PHACTR4: variants seen among roughly 807,000 people sequenced by gnomAD.
PHACTR4 encodes the protein phosphatase and actin regulator 4.
A neutral mutation model predicts 72.7 loss-of-function variants in PHACTR4; 51 were observed. The observed-to-expected ratio is 0.70, with a 90% CI of 0.56 to 0.89. The LOEUF is 0.89. Among genes scored for constraint, PHACTR4 ranks in the 40% least tolerant of loss-of-function variants. The pLI, the probability that PHACTR4 is intolerant of heterozygous loss-of-function variation, is 0.00. For missense variants in PHACTR4, 731 were observed against 861.8 expected, an observed-to-expected ratio of 0.85 and a Z score of 1.90; for synonymous variants, 255 against 302.5, an observed-to-expected ratio of 0.84 and a Z score of 1.63.
chr1:28,406,872 C>A (rs538353986), intron 1 of PHACTR4, among the ~76,000 whole-genome samples: 53 of 152,132 alleles, frequency 3.5e-4, no homozygotes, highest in Non-Finnish European at 7.1e-4. Flanking sequence ...AACCATCCTC[C>A]TGTGTCTAAA....
Position 28,489,327 on chromosome 1 carries a change from G to A in PHACTR4, c.1816+102G>A, listed in dbSNP as rs192895018. 5.2e-5 allele frequency: 50 copies of A among 952,904 alleles called. 2 individuals are homozygous for A. The highest frequency in any genetic ancestry group is 2.8e-4 in the South Asian group (18 of 64,856). The allele number at this position is 952,904 out of a possible 1,614,324, so 59.0% of individuals were successfully genotyped here. On this transcript the variant is annotated intron_variant, in intron 10 of 13. Coordinates refer to ENST00000373839, the MANE Select transcript of PHACTR4 (RefSeq NM_001048183.3). ...AGAAGCGTTTGCTACAAGGGCTAAG[G>A]GAGAGTGTTCCAGCCAGGCAAGGAC...
chr1:28,442,520 T>G (rs1415010219), intron 2 of PHACTR4, among the ~76,000 whole-genome samples: 2 of 152,138 alleles, frequency 1.3e-5, no homozygotes, highest in Non-Finnish European at 2.9e-5. Context: ...TATTTACTTT[T>G]TTTTGAGATG....
chr1:28,370,299 G>C (rs1379782971), intron 1 of PHACTR4, among the ~76,000 whole-genome samples: 1 of 152,210 alleles, frequency 6.6e-6, no homozygotes, highest in Non-Finnish European at 1.5e-5. Context: ...TTCGGAGCCA[G>C]GCGGAGTTTC....
intron 7 of PHACTR4, 95 bp downstream of exon 7, chr1:28,474,246 C>T (rs1659773661): frequency 4.3e-6 from 5 of 1,171,288 alleles, no homozygotes; most frequent in Non-Finnish European, 6.0e-6. Flanking sequence ...TGGGCCGGGC[C>T]TAGTGGCCCA....
chr1:28,482,994 A>C (rs981125338), intron 9 of PHACTR4, among the ~76,000 whole-genome samples: 6 of 151,968 alleles, frequency 3.9e-5, no homozygotes, highest in African/African-American at 1.4e-4. Context: ...CCTCAGGGCA[A>C]GTTTTCCCTT....
chr1:28,493,552 A>T (rs544834784), intron 13 of PHACTR4, among the ~76,000 whole-genome samples: 85 of 151,966 alleles, frequency 5.6e-4, no homozygotes, highest in Non-Finnish European at 9.7e-4. Flanking sequence ...AAAAAAAAAA[A>T]AATAAGTAAA....
chr1:28,377,727 A>G (rs527537768), intron 1 of PHACTR4, among the ~76,000 whole-genome samples: 192 of 151,558 alleles, frequency 1.3e-3, no homozygotes, highest in African/African-American at 4.5e-3. Context: ...GCTACTCTGG[A>G]GGCTGAGGTG....
intron 2 of PHACTR4, among the ~76,000 whole-genome samples, chr1:28,418,771 T>C (rs1365374588): frequency 2.0e-5 from 3 of 151,466 alleles, no homozygotes; most frequent in Non-Finnish European, 2.9e-5. Flanking sequence ...GCTAATATGG[T>C]GGAAACCTGT....
At chr1:28,381,090 C>T (rs1382392306) in intron 1 of PHACTR4, among the ~76,000 whole-genome samples, 1 of 150,730 alleles carries the variant, frequency 6.6e-6, no homozygotes, top group Non-Finnish European at 1.5e-5. Flanking sequence ...CTCACTGCAG[C>T]CTCTGCCTCC....
At chr1:28,383,666 G>T (rs11247795) in intron 1 of PHACTR4, among the ~76,000 whole-genome samples, 58,622 of 151,894 alleles carry the variant, frequency 0.39, 13,006 homozygotes, top group African/African-American at 0.6. Context: ...CTGTTGTTGA[G>T]GTATAGGAAT....
chr1:28,488,584 G>A (rs1470385752), intron 9 of PHACTR4, among the ~76,000 whole-genome samples: 3 of 151,810 alleles, frequency 2.0e-5, no homozygotes, highest in African/African-American at 7.3e-5. Flanking sequence ...GAGCCCAGGA[G>A]GAGTTCAAGA....
chr1:28,379,151 C>T (rs748256113), intron 1 of PHACTR4, among the ~76,000 whole-genome samples: 14 of 152,044 alleles, frequency 9.2e-5, no homozygotes, highest in African/African-American at 2.2e-4. Flanking sequence ...GATGGGATTT[C>T]GCCACATTGC....
chr1:28,375,677 G>T (rs1651600999), intron 1 of PHACTR4, among the ~76,000 whole-genome samples: 1 of 152,034 alleles, frequency 6.6e-6, no homozygotes, highest in South Asian at 2.1e-4. Context: ...CAGAGCTGGA[G>T]ACCCTGTTTC....
At chr1:28,466,887 TTGAA>T (rs1659216575) in intron 6 of PHACTR4, 119 bp downstream of exon 6, 1 of 1,385,744 alleles carries the variant, frequency 7.2e-7, no homozygotes, top group South Asian at 1.4e-5. Flanking sequence ...TCTTGTCCCT[TTGAA>T]TGACCTCAAT....
In PHACTR4 at chr1:28,426,923, G is replaced by A. The variant is rs78511111; in HGVS notation, c.16+19460G>A. The stretch of plus-strand genomic sequence containing the variant: ...GTCCAGTAGAACTTTCTGCAAAGAT[G>A]GAAATGTTCTGTATCTGCCACTCTC... On this transcript the variant is annotated intron_variant, in intron 2 of 13. Transcript: ENST00000373839. Among the ~76,000 whole-genome samples the A allele has an allele frequency of 5.0e-3, 755 of 152,240 alleles. 5 individuals carry two copies. The highest frequency in any genetic ancestry group is 0.017 in the African/African-American group (707 of 41,542).
At chr1:28,471,079 C>T (rs1255803676) in intron 6 of PHACTR4, among the ~76,000 whole-genome samples, 2 of 150,548 alleles carry the variant, frequency 1.3e-5, no homozygotes, top group Admixed American at 6.6e-5. Flanking sequence ...CCGGGCAAAG[C>T]GGACATGCCT....
At chr1:28,446,178 C>A (rs927577233) in intron 2 of PHACTR4, among the ~76,000 whole-genome samples, 2 of 152,136 alleles carry the variant, frequency 1.3e-5, no homozygotes, top group Admixed American at 6.6e-5. Flanking sequence ...CTCATGTAAT[C>A]CAGTGTTCAG....
At chr1:28,407,119 A>C (rs1654390511) in intron 1 of PHACTR4, among the ~76,000 whole-genome samples, 1 of 152,076 alleles carries the variant, frequency 6.6e-6, no homozygotes, top group Admixed American at 6.6e-5. Flanking sequence ...TCTGTATCTC[A>C]ATTCCCCTAA....
intron 2 of PHACTR4, among the ~76,000 whole-genome samples, chr1:28,435,342 G>C (rs997412714): frequency 3.9e-5 from 6 of 152,114 alleles, no homozygotes; most frequent in African/African-American, 1.4e-4. Flanking sequence ...ATGGCTCACT[G>C]CAACCTCTGC....
Sources: gnomAD v4.1 joint callset for allele counts (sites outside exome capture counted in the v4.1 genomes callset) on GRCh38, gnomAD v4.1.1 for gene constraint, MANE v1.5 for transcripts, NCBI Gene and HGNC (gene_info 2026-07-23, HGNC 2026-07-21) for gene names.